Variants in DGLUCY observed in about 807,000 individuals in gnomAD.
DGLUCY encodes the protein D-glutamate cyclase, mitochondrial.
A neutral mutation model predicts 58.5 loss-of-function variants in DGLUCY; 58 were observed. The ratio of observed to expected loss-of-function variants is 0.99; its 90% CI spans 0.80 to 1.23. DGLUCY has a LOEUF of 1.23. DGLUCY is among the 50% of genes most tolerant of loss of function. The pLI is 0.00. For missense variants in DGLUCY, 779 were observed against 784.7 expected (o/e 0.99, Z 0.09); for synonymous variants, 325 against 314.1 (o/e 1.03, Z -0.37).
At chr14:91,199,719 A>G in intron 10 of DGLUCY, 38 bp from the exon 11 acceptor site, 6 of 1,611,330 alleles carry the variant, frequency 3.7e-6, no homozygotes, top group Non-Finnish European at 5.1e-6. Flanking sequence ...CCACCTCTCC[A>G]TAGGACCCTC....
intron 1 of DGLUCY, among the ~76,000 whole-genome samples, chr14:91,118,716 T>C (rs1207545934): frequency 6.6e-6 from 1 of 152,208 alleles, no homozygotes; most frequent in East Asian, 1.9e-4. Context: ...CATCATGGCC[T>C]GGACTAGTAT....
chr14:91,188,112 G>A (rs1206766036), intron 8 of DGLUCY, among the ~76,000 whole-genome samples: 1 of 152,160 alleles, frequency 6.6e-6, no homozygotes, highest in East Asian at 1.9e-4. Flanking sequence ...GCCAGGGTGG[G>A]TCTTCCAGGG....
At chr14:91,145,015 G>A (rs1358897707) in intron 1 of DGLUCY, among the ~76,000 whole-genome samples, 3 of 152,092 alleles carry the variant, frequency 2.0e-5, no homozygotes, top group African/African-American at 7.2e-5. Context: ...TTCAGGAAAT[G>A]AGCCTGTTTC....
At chr14:91,135,717 C>T (rs1164874278) in intron 1 of DGLUCY, among the ~76,000 whole-genome samples, 1 of 142,532 alleles carries the variant, frequency 7.0e-6, no homozygotes, top group Non-Finnish European at 1.5e-5. Context: ...TTTAACCTTG[C>T]TAGATGTTCT....
At chr14:91,111,612 A>G (rs968694079), upstream of DGLUCY, among the ~76,000 whole-genome samples, 2 of 152,166 alleles carry the variant, frequency 1.3e-5, no homozygotes, top group African/African-American at 2.4e-5. Flanking sequence ...TTACTAGGCT[A>G]TCACTCTCAG....
chr14:91,220,184 G>A (rs11628313), intron 13 of DGLUCY, among the ~76,000 whole-genome samples: 7,857 of 152,294 alleles, frequency 0.052, 279 homozygotes, highest in East Asian at 0.18. Flanking sequence ...GGCCCTGGCC[G>A]GCTGCCTGGT....
At chr14:91,161,648 G>A (rs1328711461) in intron 3 of DGLUCY, among the ~76,000 whole-genome samples, 3 of 152,004 alleles carry the variant, frequency 2.0e-5, no homozygotes, top group Admixed American at 6.6e-5. Flanking sequence ...ATGCCCAAAC[G>A]CATACCAAGC....
At chr14:91,199,665 G>C in intron 10 of DGLUCY, 92 bp from the exon 11 acceptor site, 1 of 1,410,804 alleles carries the variant, frequency 7.1e-7, no homozygotes, top group Non-Finnish European at 9.7e-7. Flanking sequence ...AAAAAAAGAA[G>C]CGTCTTTCGC....
At chr14:91,165,057 A>G (rs1475114907) in intron 3 of DGLUCY, among the ~76,000 whole-genome samples, 1 of 152,186 alleles carries the variant, frequency 6.6e-6, no homozygotes, top group Non-Finnish European at 1.5e-5. Flanking sequence ...AAATTACAAG[A>G]CACAGTCCTT....
chr14:91,119,493 T>TAGAA (rs1191233023), intron 1 of DGLUCY, among the ~76,000 whole-genome samples: 3 of 152,184 alleles, frequency 2.0e-5, no homozygotes, highest in Non-Finnish European at 2.9e-5. Context: ...TGCTACTCTT[T>TAGAA]CTAAGTTCCC....
intron 1 of DGLUCY, among the ~76,000 whole-genome samples, chr14:91,115,835 C>A (rs1423414956): frequency 6.6e-6 from 1 of 152,170 alleles, no homozygotes; most frequent in African/African-American, 2.4e-5. Flanking sequence ...GAAAATTTCA[C>A]GCGTTGTGAA....
intron 9 of DGLUCY, among the ~76,000 whole-genome samples, chr14:91,193,783 A>G (rs1218804117): frequency 6.6e-6 from 1 of 151,376 alleles, no homozygotes; most frequent in Non-Finnish European, 1.5e-5. Flanking sequence ...TGGAGGTTGC[A>G]GTGAGCTGAA....
At chr14:91,062,561 ATATAT>A (rs2043735065) in intron 1 of DGLUCY, among the ~76,000 whole-genome samples, 4 of 4,968 alleles carry the variant, frequency 8.1e-4, no homozygotes, top group African/African-American at 1.6e-3. Context: ...AAAAAAAAAT[ATATAT>A]ATATATATAT....
intron 1 of DGLUCY, among the ~76,000 whole-genome samples, chr14:91,065,022 C>T (rs57130160): frequency 0.014 from 2,181 of 152,212 alleles, 46 homozygotes; most frequent in African/African-American, 0.05. Flanking sequence ...AGTTGCAAAA[C>T]TTAGTAAACT....
intron 1 of DGLUCY, among the ~76,000 whole-genome samples, chr14:91,088,418 C>A (rs1340320071): frequency 6.6e-6 from 1 of 152,054 alleles, no homozygotes. Flanking sequence ...GTTCCACAAC[C>A]ACAGGGTTCT....
chr14:91,218,202 C>G (rs1290613791), intron 13 of DGLUCY, among the ~76,000 whole-genome samples: 1 of 152,174 alleles, frequency 6.6e-6, no homozygotes, highest in African/African-American at 2.4e-5. Flanking sequence ...TTTCTTTATA[C>G]TTCCTGGATC....
intron 1 of DGLUCY, among the ~76,000 whole-genome samples, chr14:91,077,280 A>T (rs1161823107): frequency 3.3e-5 from 5 of 150,764 alleles, no homozygotes; most frequent in Non-Finnish European, 4.4e-5. Context: ...AGAGAGAGAG[A>T]GAGAAACAAA....
chr14:91,213,205 C>T (rs901343163), intron 12 of DGLUCY, among the ~76,000 whole-genome samples: 4 of 152,198 alleles, frequency 2.6e-5, no homozygotes, highest in South Asian at 4.1e-4. Context: ...GAGGCCAAGA[C>T]GGGTTGGTCG....
chr14:91,089,408 T>G (rs1013032432), intron 1 of DGLUCY, among the ~76,000 whole-genome samples: 1 of 152,258 alleles, frequency 6.6e-6, no homozygotes, highest in African/African-American at 2.4e-5. Context: ...CTGACTTTCC[T>G]GTAGTTCTGG....
Sources: allele counts gnomAD v4.1 joint callset (sites outside exome capture counted in the v4.1 genomes callset), GRCh38; gene constraint gnomAD v4.1.1; transcripts MANE v1.5; gene names NCBI Gene and HGNC (gene_info 2026-07-23, HGNC 2026-07-21).